Variants in DDAH1 observed in about 807,000 individuals in gnomAD.
The protein encoded by DDAH1 is dimethylarginine dimethylaminohydrolase 1.
DDAH1 carries 19 observed loss-of-function variants against 28.8 expected under a neutral mutation model. The observed-to-expected ratio is 0.66, with a 90% CI of 0.46 to 0.97. The LOEUF is 0.97. Ranked by LOEUF, DDAH1 falls within the 50% of genes least tolerant of loss-of-function variation. The pLI is 0.00. For synonymous variants in DDAH1, 153 were observed against 154.4 expected (o/e 0.99, Z 0.07); for missense variants, 326 against 375.9 (o/e 0.87, Z 1.10).
chr1:85,514,479 T>G (rs192850502), intron 1 of DDAH1, among the ~76,000 whole-genome samples: 21 of 149,954 alleles, frequency 1.4e-4, no homozygotes, highest in Admixed American at 6.0e-4. Flanking sequence ...TGTATACCTA[T>G]GTATCAAACC....
At chr1:85,562,782 C>G (rs1228374207) in intron 1 of DDAH1, among the ~76,000 whole-genome samples, 1 of 152,132 alleles carries the variant, frequency 6.6e-6, no homozygotes, top group East Asian at 1.9e-4. Flanking sequence ...AGACTCTCAG[C>G]CTCCAGAACT....
At chr1:85,557,762 A>C (rs989888023) in intron 1 of DDAH1, among the ~76,000 whole-genome samples, 2 of 152,198 alleles carry the variant, frequency 1.3e-5, no homozygotes, top group Non-Finnish European at 2.9e-5. Flanking sequence ...CCCTATTCCA[A>C]TATGACTGGC....
At chr1:85,456,801 A>G (rs915396930) in intron 1 of DDAH1, among the ~76,000 whole-genome samples, 1 of 152,252 alleles carries the variant, frequency 6.6e-6, no homozygotes, top group Non-Finnish European at 1.5e-5. Flanking sequence ...ATTATGGGTC[A>G]AGGGGGAAAA....
chr1:85,558,140 G>C (rs922915395), intron 1 of DDAH1, among the ~76,000 whole-genome samples: 1 of 151,788 alleles, frequency 6.6e-6, no homozygotes, highest in Non-Finnish European at 1.5e-5. Flanking sequence ...GCCAAGGCAG[G>C]TGGGTCACTT....
chr1:85,545,293 A>G (rs1658586833), intron 1 of DDAH1, among the ~76,000 whole-genome samples: 1 of 152,230 alleles, frequency 6.6e-6, no homozygotes, highest in African/African-American at 2.4e-5. Context: ...AATAATTTAA[A>G]GCCCTGCTAT....
At chr1:85,381,228 C>CAA (rs35851797) in intron 1 of DDAH1, among the ~76,000 whole-genome samples, 177 of 127,370 alleles carry the variant, frequency 1.4e-3, no homozygotes, top group Middle Eastern at 4.2e-3. Flanking sequence ...AAACTCCATC[C>CAA]AAAAAAAAAA....
intron 1 of DDAH1, among the ~76,000 whole-genome samples, chr1:85,570,395 C>CACACACACACACAT (rs1018150712): frequency 6.6e-6 from 1 of 150,592 alleles, no homozygotes; most frequent in African/African-American, 2.5e-5. Flanking sequence ...CACACACACA[C>CACACACACACACAT]ATCTCAGTGC....
At chr1:85,486,645 C>T (rs770056222) in intron 2 of DDAH1, among the ~76,000 whole-genome samples, 2 of 152,226 alleles carry the variant, frequency 1.3e-5, no homozygotes, top group South Asian at 2.1e-4. Flanking sequence ...CTGAACTTCT[C>T]GAGTCTGATA....
At chr1:85,406,631 T>A (rs886337744) in intron 1 of DDAH1, among the ~76,000 whole-genome samples, 1 of 152,200 alleles carries the variant, frequency 6.6e-6, no homozygotes, top group African/African-American at 2.4e-5. Context: ...CTTTGAAATA[T>A]GTATACATTG....
intron 1 of DDAH1, among the ~76,000 whole-genome samples, chr1:85,523,412 T>G (rs1332322726): frequency 1.3e-5 from 2 of 152,082 alleles, no homozygotes; most frequent in African/African-American, 2.4e-5. Context: ...AGCTCAAGTA[T>G]ATTTGAGACA....
intron 1 of DDAH1, among the ~76,000 whole-genome samples, chr1:85,550,905 C>T (rs1038026586): frequency 1.3e-5 from 2 of 152,162 alleles, no homozygotes; most frequent in Admixed American, 6.6e-5. Flanking sequence ...CTGTTCATGG[C>T]AGAGTTCTTG....
At position 85,464,589 on chromosome 1, in the gene DDAH1, GACACAC is replaced by G. The variant is rs4001153; in HGVS notation, c.303+148_303+153del. 249 of 1,366,142 alleles carry G rather than the reference GACACAC, an allele frequency of 1.8e-4. No individual in the cohort carries two copies. Among genetic ancestry groups the G allele is most frequent in the South Asian group, 5.5e-4 (39 of 71,482 alleles). 84.6% of individuals were successfully genotyped at this position (1,366,142 alleles called of 1,614,324 possible). On this transcript the variant is annotated intron_variant, in intron 1 of 5. Transcript: ENST00000284031. This position sits in a 1 kb window ranked among gnomAD's most constrained non-coding sequence, Gnocchi z 4.4. ...ACAATGAACTTCTCTCTGACTCTCT[GACACAC>G]ACACACACACACACACTCGCCCCCC...
intron 1 of DDAH1, among the ~76,000 whole-genome samples, chr1:85,568,661 C>T (rs892900892): frequency 4.6e-5 from 7 of 152,270 alleles, no homozygotes; most frequent in Non-Finnish European, 7.4e-5. Flanking sequence ...TATGCAATTC[C>T]TTATGAATGA....
At chr1:85,573,947 A>G (rs1659527235) in intron 1 of DDAH1, among the ~76,000 whole-genome samples, 1 of 152,236 alleles carries the variant, frequency 6.6e-6, no homozygotes, top group Admixed American at 6.5e-5. Context: ...AGAGATATTC[A>G]GTCCAGAGAT....
chr1:85,577,112 G>A (rs960161925), intron 1 of DDAH1, among the ~76,000 whole-genome samples: 1 of 152,148 alleles, frequency 6.6e-6, no homozygotes, highest in Non-Finnish European at 1.5e-5. Context: ...GTGGGCGCGC[G>A]GGCGGGGTGG....
chr1:85,540,630 AGCAACTTCTT>A (rs1431211890), intron 1 of DDAH1, among the ~76,000 whole-genome samples: 2 of 152,168 alleles, frequency 1.3e-5, no homozygotes, highest in Admixed American at 1.3e-4. Context: ...CATAAAGCCC[AGCAACTTCTT>A]GCATGTAACC....
At position 85,321,278 on chromosome 1, in the gene DDAH1, G is replaced by GCTTA. The variant is rs1661327802; in HGVS notation, c.*173_*174insTAAG. ...ATCCACAGCTTAGGTACCACCTCGA[G>GCTTA]GGGAGGGAGGGTGGGGGTGTTGAAT... On this transcript the variant is annotated 3_prime_UTR_variant, in exon 6 of 6. Coordinates refer to ENST00000284031, the MANE Select transcript of DDAH1 (RefSeq NM_012137.4). 7 of 564,414 alleles carry GCTTA rather than the reference G, an allele frequency of 1.2e-5. No individual in the cohort carries two copies. The highest frequency in any genetic ancestry group is 3.2e-6 in the Non-Finnish European group (1 of 315,182). 35.0% of individuals were successfully genotyped at this position (564,414 alleles called of 1,614,324 possible).
chr1:85,559,155 C>T (rs1424654740), intron 1 of DDAH1, among the ~76,000 whole-genome samples: 1 of 152,052 alleles, frequency 6.6e-6, no homozygotes, highest in Admixed American at 6.6e-5. Context: ...CATCTCTGAC[C>T]ATTGCTTTTG....
intron 1 of DDAH1, chr1:85,404,335 A>C: frequency 6.5e-7 from 1 of 1,527,752 alleles, no homozygotes; most frequent in Non-Finnish European, 8.8e-7. Flanking sequence ...ACAAAGCCTG[A>C]AAGACCACAT....
Sources: allele counts gnomAD v4.1 joint callset (sites outside exome capture counted in the v4.1 genomes callset), GRCh38; gene constraint gnomAD v4.1.1; non-coding constraint Gnocchi (gnomAD v3.1); transcripts MANE v1.5; gene names NCBI Gene and HGNC (gene_info 2026-07-23, HGNC 2026-07-21).